The following EZH1 variants were observed in gnomAD, a reference collection of about 807,000 sequenced individuals.
EZH1 encodes enhancer of zeste 1 polycomb repressive complex 2 subunit, also known as histone-lysine N-methyltransferase EZH1.
Under a neutral mutation model 100.5 loss-of-function variants are expected in EZH1, and 33 were observed. The observed-to-expected ratio is 0.33, with a 90% CI of 0.25 to 0.44. The LOEUF (loss-of-function observed/expected upper bound fraction) is 0.44, where lower values mean the gene tolerates loss of function less well. EZH1 is among the 20% of genes least tolerant of loss of function. The pLI is 1.00. For synonymous variants in EZH1, 272 were observed against 313.8 expected (o/e 0.87, Z 1.41); for missense variants, 475 against 928.4 (o/e 0.51, Z 6.35).
rs766358599 is a variant in EZH1, at chr17:42,709,867, T to G, written c.1472A>C (p.Gln491Pro). 1.2e-6 allele frequency: 2 copies of G among 1,614,178 alleles called. No homozygotes were observed. Among genetic ancestry groups the G allele is most frequent in the South Asian group, 2.2e-5 (2 of 91,086 alleles). ...LPTDELMNPS[Q>P]KKKRKHRLWA... ...TTGCCTGTGCTTTCTTTTCTTCTTC[T>G]GTGAGGGGTTCATGAGCTCATCTGT... Residue 491 changes from glutamine (Q) to proline (P), a missense_variant, in exon 13 of 21, where the codon CAG becomes CCG. Gln to Pro is a moderately conservative substitution (Grantham distance 76). Coordinates refer to ENST00000428826, the MANE Select transcript of EZH1 (RefSeq NM_001991.5).
chr17:42,739,466 T>G (rs2143891766), intron 1 of EZH1, among the ~76,000 whole-genome samples: 1 of 152,286 alleles, frequency 6.6e-6, no homozygotes, highest in East Asian at 1.9e-4. Flanking sequence ...GTGCAGTAGC[T>G]CACACCTGTA....
intron 1 of EZH1, among the ~76,000 whole-genome samples, chr17:42,735,956 A>C (rs537413110): frequency 3.2e-4 from 49 of 152,250 alleles, no homozygotes; most frequent in African/African-American, 1.2e-3. Context: ...CTGCACTCCA[A>C]CCTGGGAGAC....
At chr17:42,713,465 T>C (rs2053529649) in intron 10 of EZH1, 76 bp from the exon 11 acceptor site, 2 of 1,337,644 alleles carry the variant, frequency 1.5e-6, no homozygotes, top group East Asian at 2.5e-5. Context: ...CAAACTTTCA[T>C]CTTTACAACA....
At chr17:42,714,004 CCA>C (rs1396117196) in intron 10 of EZH1, among the ~76,000 whole-genome samples, 3 of 152,142 alleles carry the variant, frequency 2.0e-5, no homozygotes, top group Admixed American at 1.3e-4. Context: ...TTCCAGTCTA[CCA>C]CACTTTCTCT....
Position 42,712,431 on chromosome 17 carries a change from G to C in EZH1, c.1259C>G (p.Pro420Arg), listed in dbSNP as rs2053502153. 2 of 1,614,192 alleles carry C rather than the reference G, an allele frequency of 1.2e-6. No individual in the cohort carries two copies. The highest frequency in any genetic ancestry group is 2.2e-5 in the South Asian group (2 of 91,084). ...PTKQKASPAPPQLCVVEAPSE... is the reference protein window; with the variant it reads ...PTKQKASPAPRQLCVVEAPSE... The stretch of plus-strand genomic sequence containing the variant: ...GGGTGCTTCCACTACGCAGAGTTGA[G>C]GTGGGGCTGGACTAGCCTTCTGTTT... Residue 420 changes from proline to arginine, a missense_variant, in exon 12 of 21, where the codon CCT becomes CGT. By Grantham distance (103) the Pro-to-Arg change is moderately radical. Around this residue, in one of 8 missense-constraint regions of EZH1, gnomAD observed 83 missense variants for 142.1 expected, o/e 0.58. Transcript: ENST00000428826.
chr17:42,713,117 A>G lies in EZH1; in HGVS notation c.1204+92T>C, dbSNP rs1485210029. ...TTGTAGAAAGAATTTATAATTTTTA[A>G]GAGGTAGTAAAGTTAAGTGTCAGGC... is the stretch of plus-strand genomic sequence containing the variant. On this transcript the variant is annotated intron_variant, in intron 11 of 20. Coordinates refer to ENST00000428826, the MANE Select transcript of EZH1 (RefSeq NM_001991.5). 5 of 1,066,576 alleles carry G rather than the reference A, an allele frequency of 4.7e-6. No individual in the cohort carries two copies. In the Admixed American group the frequency reaches 8.2e-5, roughly 17 times the overall value. 66.1% of individuals were successfully genotyped at this position (1,066,576 alleles called of 1,614,324 possible).
intron 1 of EZH1, 68 bp downstream of exon 1, chr17:42,744,943 C>T: frequency 8.0e-7 from 1 of 1,249,064 alleles, no homozygotes; most frequent in Middle Eastern, 2.2e-4. Context: ...CTCCCTCCCT[C>T]AGGCCCAGGG....
At chr17:42,711,240 G>A (rs9911327) in intron 12 of EZH1, among the ~76,000 whole-genome samples, 66,207 of 151,290 alleles carry the variant, frequency 0.44, 15,161 homozygotes, top group Non-Finnish European at 0.53. Context: ...TTGGGAGGCC[G>A]AGGCGGGTGG....
intron 6 of EZH1, 120 bp from the exon 7 acceptor site, chr17:42,720,569 A>G (rs2053685649): frequency 1.2e-6 from 1 of 802,336 alleles, no homozygotes. Context: ...ACATTTTTAC[A>G]TGGGAGATCA....
chr17:42,737,358 T>C (rs1274156909), intron 1 of EZH1, among the ~76,000 whole-genome samples: 1 of 152,244 alleles, frequency 6.6e-6, no homozygotes, highest in African/African-American at 2.4e-5. Flanking sequence ...TCCAACACTT[T>C]TGGAGGCTGA....
At chr17:42,733,877 G>A (rs1369392658) in intron 1 of EZH1, among the ~76,000 whole-genome samples, 1 of 143,344 alleles carries the variant, frequency 7.0e-6, no homozygotes, top group Non-Finnish European at 1.5e-5. Context: ...GGAGGTGGAG[G>A]TTGCAGTGAG....
At chr17:42,705,298 G>C (rs535211588) in intron 16 of EZH1, 115 bp from the exon 17 acceptor site, 51 of 603,564 alleles carry the variant, frequency 8.4e-5, no homozygotes, top group Non-Finnish European at 1.0e-4. Context: ...ACTGTTAAGA[G>C]GATCTGAAAG....
Position 42,728,889 on chromosome 17 carries a change from T to C in EZH1, c.53A>G (p.Lys18Arg). 1 of 1,613,986 alleles carries C rather than the reference T, an allele frequency of 6.2e-7. No homozygotes were observed. The highest frequency in any genetic ancestry group is 8.5e-7 in the Non-Finnish European group (1 of 1,179,942). Residue 18 changes from lysine to arginine, a missense_variant, in exon 3 of 21, where the codon AAA becomes AGA. Lys to Arg is a conservative substitution (Grantham distance 26). This residue lies in a region of EZH1 where 105 missense variants were observed against 129.8 expected (regional missense o/e 0.81). Coordinates refer to ENST00000428826, the MANE Select transcript of EZH1 (RefSeq NM_001991.5). The stretch of plus-strand genomic sequence containing the variant: ...AAGTCGCATGTATTCAGATTTCACT[T>C]TTCTTTTCCAGTAAGTGATACATTT... ...TSKCITYWKRKVKSEYMRLRQ... is the reference protein window; with the variant it reads ...TSKCITYWKRRVKSEYMRLRQ...
chr17:42,724,207 T>C, intron 5 of EZH1, 98 bp downstream of exon 5: 2 of 1,421,560 alleles, frequency 1.4e-6, no homozygotes, highest in Non-Finnish European at 2.0e-6. Flanking sequence ...CTAGCTGTGT[T>C]AATTACTGGA....
rs571599599 is a variant in EZH1, at chr17:42,710,636, T to G, written c.1402-699A>C. On this transcript the variant is annotated intron_variant, in intron 12 of 20. Coordinates refer to ENST00000428826, the MANE Select transcript of EZH1 (RefSeq NM_001991.5). The stretch of plus-strand genomic sequence containing the variant: ...ATGGTTCTGTTTTTGTTTGTTTTTT[T>G]TTTTTTTTTTTAAGAGAGAGGGTCT... Among the ~76,000 whole-genome samples, 1,058 of 150,632 alleles carry G rather than the reference T, an allele frequency of 7.0e-3. 11 individuals carry two copies. Among genetic ancestry groups the G allele is most frequent in the African/African-American group, 0.024 (1,005 of 41,176 alleles).
chr17:42,719,076 T>A, intron 8 of EZH1, 29 bp downstream of exon 8: 1 of 1,560,774 alleles, frequency 6.4e-7, no homozygotes, highest in Non-Finnish European at 8.8e-7. Context: ...GCACTCTGTA[T>A]ATGGCCTAAG....
At chr17:42,714,881 TA>T (rs2053562076) in intron 10 of EZH1, among the ~76,000 whole-genome samples, 1 of 137,602 alleles carries the variant, frequency 7.3e-6, no homozygotes, top group South Asian at 2.3e-4. Context: ...ATATATTATA[TA>T]TATAATATAT....
In EZH1 at chr17:42,720,294, T is replaced by C; in HGVS notation, c.643A>G (p.Arg215Gly). Residue 215 changes from arginine to glycine, a missense_variant, in exon 7 of 21, where the codon AGA (arginine) becomes GGA (glycine). Coordinates refer to ENST00000428826, the MANE Select transcript of EZH1 (RefSeq NM_001991.5). ...SKEDLPVTRK[R>G]KRHAIEGNKK... ...GTACCTTCAATAGCATGTCGCTTTC[T>C]CTTTCTTGTTACTGGCAGATCTTCT... The C allele has an allele frequency of 6.2e-7, 1 of 1,613,890 alleles. No homozygotes were observed. The highest frequency in any genetic ancestry group is 8.5e-7 in the Non-Finnish European group (1 of 1,179,938).
Position 42,714,677 on chromosome 17 carries a change from G to GA in EZH1, c.1024-1289dup, listed in dbSNP as rs985099002. ...TGAAGTTTTTTTGAGTAATAAAAAT[G>GA]AAAAAAAAATAAAGGTTAACTATCA... On this transcript the variant is annotated intron_variant, in intron 10 of 20. Coordinates refer to ENST00000428826, the MANE Select transcript of EZH1 (RefSeq NM_001991.5). The GA allele has an allele frequency of 3.0e-3, 723 of 239,768 alleles. 2 individuals carry two copies. The highest frequency in any genetic ancestry group is 9.6e-3 in the Middle Eastern group (6 of 622). 14.9% of individuals were successfully genotyped at this position (239,768 alleles called of 1,614,324 possible).
Sources: allele counts gnomAD v4.1 joint callset (sites outside exome capture counted in the v4.1 genomes callset), GRCh38; gene constraint gnomAD v4.1.1; regional missense constraint gnomAD v4.1.1; transcripts MANE v1.5; gene names NCBI Gene and HGNC (gene_info 2026-07-23, HGNC 2026-07-21).